The following PLOD2 variants were observed in gnomAD, a reference collection of about 807,000 sequenced individuals.
PLOD2 encodes the protein procollagen-lysine,2-oxoglutarate 5-dioxygenase 2, also known as lysine hydroxylase 2.
A neutral mutation model predicts 101.0 loss-of-function variants in PLOD2; 65 were observed. The observed-to-expected ratio is 0.64, with a 90% CI of 0.53 to 0.79. The LOEUF is 0.79. Ranked by LOEUF, PLOD2 falls within the 30% of genes least tolerant of loss-of-function variation. The pLI, the probability that PLOD2 is intolerant of heterozygous loss-of-function variation, is 0.00. For missense variants in PLOD2, 909 were observed against 914.6 expected, an observed-to-expected ratio of 0.99 and a Z score of 0.08; for synonymous variants, 314 against 302.9, an observed-to-expected ratio of 1.04 and a Z score of -0.38.
At chr3:146,092,772 A>G (rs759488301) in intron 7 of PLOD2, among the ~76,000 whole-genome samples, 3 of 152,090 alleles carry the variant, frequency 2.0e-5, no homozygotes, top group Non-Finnish European at 2.9e-5. Flanking sequence ...CCCTCAAACA[A>G]AATTTTTAAT....
At chr3:146,119,096 T>A (rs1054249075) in intron 3 of PLOD2, among the ~76,000 whole-genome samples, 6 of 152,118 alleles carry the variant, frequency 3.9e-5, no homozygotes, top group Non-Finnish European at 8.8e-5. Flanking sequence ...GGTGATTGGA[T>A]CATGAGGGCA....
intron 3 of PLOD2, among the ~76,000 whole-genome samples, chr3:146,118,321 T>C (rs1370257355): frequency 6.6e-6 from 1 of 152,186 alleles, no homozygotes; most frequent in East Asian, 1.9e-4. Flanking sequence ...CTTAATATTT[T>C]GTGTAAAATA....
chr3:146,080,382 G>A (rs1462195424), intron 12 of PLOD2, among the ~76,000 whole-genome samples: 2 of 151,906 alleles, frequency 1.3e-5, no homozygotes, highest in East Asian at 1.9e-4. Flanking sequence ...ACATATCTTC[G>A]TATTTTCAAT....
In PLOD2 at chr3:146,091,805, C is replaced by T. The variant is rs1411187543; in HGVS notation, c.874G>A (p.Val292Ile). 5.2e-6 allele frequency: 8 copies of T among 1,544,344 alleles called. No individual in the cohort carries two copies. The highest frequency in any genetic ancestry group is 4.5e-6 in the Non-Finnish European group (5 of 1,116,680). Residue 292 changes from valine (V) to isoleucine (I), a missense_variant, in exon 8 of 20, where the codon GTA becomes ATA. Coordinates refer to ENST00000282903, the MANE Select transcript of PLOD2 (RefSeq NM_182943.3). Reference protein sequence around the residue: ...CEFDTVDLSAVDVHPNVSIGV... With the variant: ...CEFDTVDLSAIDVHPNVSIGV... ...ACATAATCAATTCCACTTACATCTA[C>T]TGCAGACAAGTCGACTGTATCGAAT...
intron 7 of PLOD2, among the ~76,000 whole-genome samples, chr3:146,099,974 G>A (rs898121088): frequency 1.3e-5 from 2 of 148,666 alleles, no homozygotes; most frequent in Admixed American, 6.8e-5. Context: ...CCTGTCTCCC[G>A]GGTTGAAGCG....
chr3:146,125,475 G>A (rs755841019), intron 1 of PLOD2, among the ~76,000 whole-genome samples: 26 of 151,988 alleles, frequency 1.7e-4, no homozygotes, highest in African/African-American at 2.4e-4. Context: ...GGCCAGGCAC[G>A]GTAGGTCATG....
At chr3:146,136,388 C>T (rs1388626370) in intron 1 of PLOD2, among the ~76,000 whole-genome samples, 1 of 152,104 alleles carries the variant, frequency 6.6e-6, no homozygotes, top group Non-Finnish European at 1.5e-5. Context: ...AATTCTACAC[C>T]TGACCTAATG....
At chr3:146,082,794 C>T (rs1936608473) in intron 11 of PLOD2, among the ~76,000 whole-genome samples, 1 of 152,076 alleles carries the variant, frequency 6.6e-6, no homozygotes, top group Admixed American at 6.5e-5. Context: ...AATCAAGAGG[C>T]TGACACAGGA....
At chr3:146,150,797 CAG>C (rs2032019586) in intron 1 of PLOD2, among the ~76,000 whole-genome samples, 1 of 152,036 alleles carries the variant, frequency 6.6e-6, no homozygotes, top group Non-Finnish European at 1.5e-5. Flanking sequence ...AGGACTGAAA[CAG>C]ATGAATATAA....
chr3:146,110,471 G>A, intron 3 of PLOD2, 23 bp from the exon 4 acceptor site: 1 of 1,432,882 alleles, frequency 7.0e-7, no homozygotes, highest in Non-Finnish European at 9.7e-7. Context: ...GAAAAAATGT[G>A]TTTTAAAATA....
At chr3:146,076,008 A>G (rs1273933559) in intron 15 of PLOD2, 1 of 151,604 alleles carries the variant, frequency 6.6e-6, no homozygotes, top group Non-Finnish European at 1.5e-5. Context: ...ATAATGCATG[A>G]TGCTAAGGTT....
At chr3:146,102,045 C>T (rs1214829686) in intron 7 of PLOD2, among the ~76,000 whole-genome samples, 7 of 152,278 alleles carry the variant, frequency 4.6e-5, no homozygotes, top group African/African-American at 1.2e-4. Context: ...AAGCCCACAT[C>T]CCCCAGTATT....
chr3:146,144,645 G>A (rs1350357499), intron 1 of PLOD2, among the ~76,000 whole-genome samples: 2 of 151,928 alleles, frequency 1.3e-5, no homozygotes, highest in African/African-American at 2.4e-5. Flanking sequence ...ATCGAATAAG[G>A]TAATGGTTAT....
rs765108706 is a variant in PLOD2, at chr3:146,071,290, C to A, written c.1982G>T (p.Gly661Val). The A allele has an allele frequency of 1.2e-6, 2 of 1,611,942 alleles. No homozygotes were observed. Among genetic ancestry groups the A allele is most frequent in the East Asian group, 2.2e-5 (1 of 44,796 alleles). Residue 661 changes from glycine to valine, a missense_variant, in exon 18 of 20, where the codon GGC becomes GTC. Transcript: ENST00000282903. ...GAGGATAACTACCTTCGTATAATAGCCTGCAAAGACCTTCAGTGTAACTGG... is the reference window on the plus strand; with the variant it reads ...GAGGATAACTACCTTCGTATAATAGACTGCAAAGACCTTCAGTGTAACTGG... ...IAPVTLKVFA[G>V]YYTKGFALLN... is the part of the protein sequence containing the mutation.
chr3:146,077,126 A>G, intron 14 of PLOD2: 4 of 1,168,198 alleles, frequency 3.4e-6, no homozygotes, highest in Non-Finnish European at 4.2e-6. Context: ...CAACTGAAAA[A>G]AAGAAGAATG....
intron 7 of PLOD2, among the ~76,000 whole-genome samples, chr3:146,094,940 C>T (rs1006287277): frequency 5.9e-5 from 9 of 152,072 alleles, no homozygotes; most frequent in East Asian, 1.9e-4. Context: ...ATCTGATCTT[C>T]GACAAACCTG....
At chr3:146,124,931 C>A (rs1027359796) in intron 1 of PLOD2, among the ~76,000 whole-genome samples, 1 of 152,106 alleles carries the variant, frequency 6.6e-6, no homozygotes, top group Non-Finnish European at 1.5e-5. Flanking sequence ...TCCAACATAA[C>A]ACTTCTTTTT....
At chr3:146,078,223 G>A (rs1390293868) in intron 13 of PLOD2, among the ~76,000 whole-genome samples, 1 of 151,742 alleles carries the variant, frequency 6.6e-6, no homozygotes, top group East Asian at 1.9e-4. Flanking sequence ...AGTAAGAGAG[G>A]CCATTCCATG....
At position 146,077,901 on chromosome 3, in the gene PLOD2, G is replaced by C; in HGVS notation, c.1524C>G (p.Ser508=). ...GCATTTGGAATGTTTCCGGAGTAGG[G>C]GAGTCTTTTTCCCTTTGTAAAGTCT... ...REMTLQREKD[S]PTPETFQMLS... The change falls in exon 14 of 20, where the codon TCC becomes TCG. Residue 508 remains serine (S), a synonymous_variant. Coordinates refer to ENST00000282903, the MANE Select transcript of PLOD2 (RefSeq NM_182943.3). The C allele has an allele frequency of 6.2e-7, 1 of 1,601,304 alleles. No homozygotes were observed. The highest frequency in any genetic ancestry group is 8.6e-7 in the Non-Finnish European group (1 of 1,169,030).
Sources: gnomAD v4.1 joint callset for allele counts (sites outside exome capture counted in the v4.1 genomes callset) on GRCh38, gnomAD v4.1.1 for gene constraint, MANE v1.5 for transcripts, NCBI Gene and HGNC (gene_info 2026-07-23, HGNC 2026-07-21) for gene names.